Variants in GRID2 observed in about 807,000 individuals in gnomAD.
GRID2 encodes glutamate ionotropic receptor delta type subunit 2.
GRID2 carries 33 observed loss-of-function variants against 114.8 expected under a neutral mutation model. That is an observed-to-expected ratio of 0.29 (90% confidence interval 0.22 to 0.38). The LOEUF is 0.38. Among genes scored for constraint, GRID2 ranks in the 10% least tolerant of loss-of-function variants. GRID2 has a pLI of 1.00. For synonymous variants in GRID2, 505 were observed against 449.9 expected, an observed-to-expected ratio of 1.12 and a Z score of -1.55; for missense variants, 1,184 against 1,257.7, an observed-to-expected ratio of 0.94 and a Z score of 0.89.
At chr4:93,789,529 C>A (rs1049367906) in intron 1 of GRID2, among the ~76,000 whole-genome samples, 2 of 152,152 alleles carry the variant, frequency 1.3e-5, no homozygotes, top group African/African-American at 4.8e-5. Flanking sequence ...ATCCAGCATA[C>A]AGCACAAAAA....
intron 2 of GRID2, among the ~76,000 whole-genome samples, chr4:92,849,663 C>A (rs62311162): frequency 0.029 from 4,343 of 151,858 alleles, 82 homozygotes; most frequent in Non-Finnish European, 0.039. Context: ...ATTAAGCAAT[C>A]TTTATTATAG....
intron 2 of GRID2, among the ~76,000 whole-genome samples, chr4:92,599,861 C>A (rs1429885197): frequency 1.3e-5 from 2 of 151,426 alleles, no homozygotes; most frequent in Admixed American, 6.6e-5. Flanking sequence ...CCCGTCTCTA[C>A]CTAAAATACA....
At chr4:93,130,778 A>C (rs1205389105) in intron 4 of GRID2, among the ~76,000 whole-genome samples, 2 of 152,178 alleles carry the variant, frequency 1.3e-5, no homozygotes, top group African/African-American at 4.8e-5. Context: ...TGCAGACAAC[A>C]ATCTCTAAAT....
At chr4:93,169,143 T>TACACACACACACACACAC (rs33953002) in intron 4 of GRID2, among the ~76,000 whole-genome samples, 3 of 138,108 alleles carry the variant, frequency 2.2e-5, no homozygotes, top group African/African-American at 7.8e-5. Flanking sequence ...CACAATGAAA[T>TACACACACACACACACAC]ACACACACAC....
chr4:93,677,184 G>A (rs1724969913), intron 14 of GRID2, among the ~76,000 whole-genome samples: 2 of 152,314 alleles, frequency 1.3e-5, no homozygotes, highest in East Asian at 3.9e-4. Context: ...TGCTAACACA[G>A]CAGTCTGAGA....
chr4:93,730,041 G>A (rs963236633), intron 14 of GRID2, among the ~76,000 whole-genome samples: 1 of 152,154 alleles, frequency 6.6e-6, no homozygotes, highest in African/African-American at 2.4e-5. Context: ...ATGAATGAGT[G>A]AATGAATGAA....
At chr4:92,494,562 C>G (rs1000441314) in intron 1 of GRID2, among the ~76,000 whole-genome samples, 3 of 151,894 alleles carry the variant, frequency 2.0e-5, no homozygotes, top group Admixed American at 2.0e-4. Flanking sequence ...TTTATATTCA[C>G]AAATCTGTAA....
At chr4:93,473,999 A>G (rs1725083665) in intron 11 of GRID2, among the ~76,000 whole-genome samples, 1 of 152,164 alleles carries the variant, frequency 6.6e-6, no homozygotes, top group African/African-American at 2.4e-5. Context: ...GTTTGCATGT[A>G]CAATTTATAC....
chr4:93,376,536 A>G (rs1337981293), intron 8 of GRID2, among the ~76,000 whole-genome samples: 1 of 152,186 alleles, frequency 6.6e-6, no homozygotes, highest in Non-Finnish European at 1.5e-5. Flanking sequence ...TTCAAGATAC[A>G]CATGAACTCA....
At chr4:92,432,352 A>G (rs555090185) in intron 1 of GRID2, among the ~76,000 whole-genome samples, 2 of 152,268 alleles carry the variant, frequency 1.3e-5, no homozygotes, top group East Asian at 3.9e-4. Context: ...CAGCTGGCCC[A>G]GGGTGGGTCC....
chr4:92,473,325 T>C (rs1722133786), intron 1 of GRID2, among the ~76,000 whole-genome samples: 1 of 152,106 alleles, frequency 6.6e-6, no homozygotes, highest in African/African-American at 2.4e-5. Flanking sequence ...TGGCTTTTTG[T>C]AGCTTCTGTT....
intron 2 of GRID2, among the ~76,000 whole-genome samples, chr4:92,590,982 AT>A (rs1295767853): frequency 6.6e-6 from 1 of 152,216 alleles, no homozygotes; most frequent in Non-Finnish European, 1.5e-5. Context: ...CTAATTAAAC[AT>A]TTAGCCTTGA....
chr4:92,540,182 C>T (rs1725858482), intron 1 of GRID2, among the ~76,000 whole-genome samples: 1 of 152,100 alleles, frequency 6.6e-6, no homozygotes, highest in African/African-American at 2.4e-5. Flanking sequence ...AGACCTAAAA[C>T]CATAAAAACC....
At chr4:93,187,478 G>A (rs368319475) in intron 4 of GRID2, among the ~76,000 whole-genome samples, 10 of 152,104 alleles carry the variant, frequency 6.6e-5, no homozygotes, top group African/African-American at 1.4e-4. Flanking sequence ...GTTTCATCAC[G>A]TTGGCCAGGC....
intron 1 of GRID2, among the ~76,000 whole-genome samples, chr4:92,395,688 G>T (rs550864576): frequency 6.6e-6 from 1 of 151,754 alleles, no homozygotes; most frequent in African/African-American, 2.4e-5. Context: ...AAAAACTCTA[G>T]TTATAATATA....
intron 8 of GRID2, among the ~76,000 whole-genome samples, chr4:93,361,738 T>C (rs1425888012): frequency 2.0e-5 from 3 of 152,128 alleles, no homozygotes; most frequent in Admixed American, 6.6e-5. Flanking sequence ...AACATTTGAA[T>C]GAAAGACAGA....
At chr4:93,620,486 G>A (rs1394333537) in intron 13 of GRID2, among the ~76,000 whole-genome samples, 2 of 152,182 alleles carry the variant, frequency 1.3e-5, no homozygotes, top group African/African-American at 2.4e-5. Flanking sequence ...TAGTACAGGA[G>A]GCTGCTACCT....
intron 1 of GRID2, among the ~76,000 whole-genome samples, chr4:92,585,287 T>C (rs1365232309): frequency 6.6e-6 from 1 of 152,022 alleles, no homozygotes; most frequent in Non-Finnish European, 1.5e-5. Context: ...ATTCATTGCA[T>C]GTAGCATCTT....
intron 2 of GRID2, among the ~76,000 whole-genome samples, chr4:92,739,294 G>C (rs540107981): frequency 6.6e-6 from 1 of 152,156 alleles, no homozygotes; most frequent in Admixed American, 6.6e-5. Flanking sequence ...TTATTCTAAG[G>C]ATTCTTCAAA....
Sources: allele counts gnomAD v4.1 joint callset (sites outside exome capture counted in the v4.1 genomes callset), GRCh38; gene constraint gnomAD v4.1.1; transcripts MANE v1.5; gene names NCBI Gene and HGNC (gene_info 2026-07-23, HGNC 2026-07-21).